Variants in SLC12A9 observed in about 807,000 individuals in gnomAD.
The protein encoded by SLC12A9 is solute carrier family 12 member 9, also known as CCC-interacting protein 1.
Under a neutral mutation model 66.0 loss-of-function variants are expected in SLC12A9, and 55 were observed. That is an observed-to-expected ratio of 0.83 (90% confidence interval 0.67 to 1.04). The LOEUF (loss-of-function observed/expected upper bound fraction) is 1.04, where lower values mean the gene tolerates loss of function less well. Ranked by LOEUF, SLC12A9 falls within the 50% of genes least tolerant of loss-of-function variation. SLC12A9 has a pLI of 0.00. For synonymous variants in SLC12A9, 577 were observed against 569.0 expected (o/e 1.01, Z -0.20); for missense variants, 1,061 against 1,241.9 (o/e 0.85, Z 2.19).
chr7:100,861,934 C>T lies in SLC12A9; in HGVS notation c.1711+23C>T. 1.3e-6 allele frequency: 2 copies of T among 1,557,054 alleles called. No individual in the cohort carries two copies. Among genetic ancestry groups the T allele is most frequent in the South Asian group, 1.2e-5 (1 of 81,920 alleles). On this transcript the variant is annotated intron_variant, in intron 12 of 13. Coordinates refer to ENST00000354161, the MANE Select transcript of SLC12A9 (RefSeq NM_020246.4). This position sits in a 1 kb window ranked among gnomAD's most constrained non-coding sequence, Gnocchi z 5.3. ...TCGGTGAGCTGCCCTCCCACTCACT[C>T]ACTCACTCCCATCCTTCTCTCCCCC...
intron 1 of SLC12A9, chr7:100,837,329 T>C (rs1252451320): frequency 2.0e-5 from 3 of 149,218 alleles, no homozygotes; most frequent in Non-Finnish European, 3.0e-5. Flanking sequence ...TTGAGAATTA[T>C]TATTTTTTCC....
chr7:100,861,762 A>ACGTC lies in SLC12A9; in HGVS notation c.1565_1568dup (p.Lys524ProfsTer33). Reference sequence around the variant, plus strand: ...GTGCGTAAGTATCTGCTTCGGCTGGACGTCCGGAAGGATCACGTGAAGTTC... The same window carrying ACGTC: ...GTGCGTAAGTATCTGCTTCGGCTGGACGTCCGTCCGGAAGGATCACGTGAAGTTC... On this transcript the variant is annotated frameshift_variant, in exon 12 of 14. Coordinates refer to ENST00000354161, the MANE Select transcript of SLC12A9 (RefSeq NM_020246.4). LOFTEE classifies it high-confidence loss of function. This position sits in a 1 kb window ranked among gnomAD's most constrained non-coding sequence, Gnocchi z 5.3. 7 of 1,614,024 alleles carry ACGTC rather than the reference A, an allele frequency of 4.3e-6. No homozygotes were observed. Among genetic ancestry groups the ACGTC allele is most frequent in the Non-Finnish European group, 5.9e-6 (7 of 1,179,978 alleles).
At chr7:100,862,977 C>A in intron 13 of SLC12A9, 150 bp downstream of exon 13, 1 of 948,090 alleles carries the variant, frequency 1.1e-6, no homozygotes, top group Non-Finnish European at 1.6e-6. Flanking sequence ...AGATAATAGC[C>A]TCAGACAGTG....
At chr7:100,839,139 C>T (rs753255104) in intron 1 of SLC12A9, among the ~76,000 whole-genome samples, 3 of 152,012 alleles carry the variant, frequency 2.0e-5, no homozygotes, top group South Asian at 2.1e-4. Context: ...CTGGCTAACA[C>T]GGTGAAACCC....
At chr7:100,827,203 G>T in intron 1 of SLC12A9, 1 of 450,526 alleles carries the variant, frequency 2.2e-6, no homozygotes, top group Admixed American at 5.0e-5. Context: ...GCCAAGTGTG[G>T]CCCCGCGTCT....
rs1400652021 is a variant in SLC12A9 at position 100,866,745 on chromosome 7, C to T, written c.*140C>T. 4.3e-6 allele frequency: 4 copies of T among 929,922 alleles called. No individual in the cohort carries two copies. Among genetic ancestry groups the T allele is most frequent in the African/African-American group, 1.7e-5 (1 of 58,070 alleles). 57.6% of individuals were successfully genotyped at this position (929,922 alleles called of 1,614,324 possible). ...AGCCCAGGGGAGGTTTGAAGGGGAT[C>T]CTGGGCTTGGGCATCACGCCCACCT... On this transcript the variant is annotated 3_prime_UTR_variant, in exon 14 of 14. Transcript: ENST00000354161. This position sits in a 1 kb window ranked among gnomAD's most constrained non-coding sequence, Gnocchi z 7.3.
chr7:100,863,456 G>A (rs1300779114), intron 13 of SLC12A9, among the ~76,000 whole-genome samples: 2 of 152,100 alleles, frequency 1.3e-5, no homozygotes, highest in Non-Finnish European at 2.9e-5. Context: ...TGAATCTCCA[G>A]CTGCCTCATC....
intron 1 of SLC12A9, among the ~76,000 whole-genome samples, chr7:100,846,187 A>C (rs555400237): frequency 6.6e-6 from 1 of 152,358 alleles, no homozygotes; most frequent in Non-Finnish European, 1.5e-5. Flanking sequence ...AGAGAATTTA[A>C]AAGTCTTATA....
chr7:100,861,740 C>T lies in SLC12A9; in HGVS notation c.1540C>T (p.Arg514Cys), dbSNP rs1468132087. 15 of 1,614,142 alleles carry T rather than the reference C, an allele frequency of 9.3e-6. No homozygotes were observed. Among genetic ancestry groups the T allele is most frequent in the Non-Finnish European group, 1.2e-5 (14 of 1,180,000 alleles). The change falls in exon 12 of 14, where the codon CGT (arginine) becomes TGT (cysteine). Residue 514 changes from arginine (R) to cysteine (C), a missense_variant. Coordinates refer to ENST00000354161, the MANE Select transcript of SLC12A9 (RefSeq NM_020246.4). The surrounding 1 kb of genome is among the most constrained non-coding windows in gnomAD (Gnocchi z 5.3). ...ACTGCCTCACCCCTATACCCAGGTG[C>T]GTAAGTATCTGCTTCGGCTGGACGT... Reference protein sequence around the residue: ...VSQALLFHQVRKYLLRLDVRK... With the variant: ...VSQALLFHQVCKYLLRLDVRK...
intron 1 of SLC12A9, among the ~76,000 whole-genome samples, chr7:100,839,256 C>T (rs942722262): frequency 6.6e-6 from 1 of 151,762 alleles, no homozygotes; most frequent in South Asian, 2.1e-4. Flanking sequence ...ACCCAGGAGG[C>T]AGAGCTGCAG....
At position 100,866,384 on chromosome 7, in the gene SLC12A9, CGGGCCCAGCAGG is replaced by C. The variant is rs1562999825; in HGVS notation, c.2527_2538del (p.Ala843_Gly846del). ...GGCACGCAGCGCCAACGCCCTGGTT[CGGGCCCAGCAGG>C]GGCGCGGCACAGGAGGAGGGCCGGG... On this transcript the variant is annotated inframe_deletion, in exon 14 of 14. Coordinates refer to ENST00000354161, the MANE Select transcript of SLC12A9 (RefSeq NM_020246.4). This position sits in a 1 kb window ranked among gnomAD's most constrained non-coding sequence, Gnocchi z 7.3. 6.5e-7 allele frequency: 1 copy of C among 1,527,632 alleles called. No individual in the cohort carries two copies. The highest frequency in any genetic ancestry group is 8.8e-7 in the Non-Finnish European group (1 of 1,134,852). 94.6% of individuals were successfully genotyped at this position (1,527,632 alleles called of 1,614,324 possible). A position where few individuals can be genotyped will look rare whatever the true frequency, so the allele number is the denominator to read the frequency against.
intron 1 of SLC12A9, among the ~76,000 whole-genome samples, chr7:100,853,876 G>A (rs904566356): frequency 6.6e-6 from 1 of 152,080 alleles, no homozygotes; most frequent in African/African-American, 2.4e-5. Flanking sequence ...CTACAGGCAT[G>A]AGCCACCATG....
Position 100,866,159 on chromosome 7 carries a change from C to T in SLC12A9, c.2299C>T (p.Arg767Trp), listed in dbSNP as rs752660200. ...GCCCGCTTGGCATAGCGCCCGGCTC[C>T]GGATCTTCCTGTGCCTGGGGCCTCG... ...MVPAWHSARL[R>W]IFLCLGPREA... Residue 767 changes from arginine (R) to tryptophan (W), a missense_variant, in exon 14 of 14, where the codon CGG becomes TGG. By Grantham distance (101) the Arg-to-Trp change is moderately radical. Coordinates refer to ENST00000354161, the MANE Select transcript of SLC12A9 (RefSeq NM_020246.4). The surrounding 1 kb of genome is among the most constrained non-coding windows in gnomAD (Gnocchi z 7.3). 5.0e-5 allele frequency: 81 copies of T among 1,612,598 alleles called. No individual in the cohort carries two copies. Among genetic ancestry groups the T allele is most frequent in the Middle Eastern group, 1.7e-4 (1 of 6,028 alleles).
At chr7:100,863,584 T>C (rs954774007) in intron 13 of SLC12A9, among the ~76,000 whole-genome samples, 6 of 152,006 alleles carry the variant, frequency 3.9e-5, no homozygotes, top group Admixed American at 3.9e-4. Flanking sequence ...TTGAAAGAGG[T>C]TGGGATGTAG....
chr7:100,826,959 C>CA lies in SLC12A9; in HGVS notation n.140_141insA, dbSNP rs767593993. 7 of 1,536,542 alleles carry CA rather than the reference C, an allele frequency of 4.6e-6. No individual in the cohort carries two copies. In the Admixed American group the frequency reaches 7.8e-5, roughly 17 times the overall value. ...GTCCCAGGAGTGACGGGGTGCGCCCCCCCCCGCAAGGAAACTCACCTTCCA... is the reference window on the plus strand; with the variant it reads ...GTCCCAGGAGTGACGGGGTGCGCCCCACCCCCGCAAGGAAACTCACCTTCCA... On this transcript the variant is annotated non_coding_transcript_exon_variant, in exon 1 of 2. Coordinates refer to the SLC12A9 transcript ENST00000461016.
chr7:100,856,043 C>G (rs111925403), intron 4 of SLC12A9: 1 of 624,610 alleles, frequency 1.6e-6, no homozygotes, highest in South Asian at 2.8e-5. Context: ...ACCATCTAAT[C>G]GGAGAGACCA....
chr7:100,865,983 C>A lies in SLC12A9; in HGVS notation c.2123C>A (p.Pro708His), dbSNP rs745593045. 2.5e-6 allele frequency: 4 copies of A among 1,612,804 alleles called. No individual in the cohort carries two copies. Reference protein sequence around the residue: ...VLARASGALPPERLSRGSGGT... With the variant: ...VLARASGALPHERLSRGSGGT... The stretch of plus-strand genomic sequence containing the variant: ...GCCCGGGCCAGCGGGGCCTTGCCCC[C>A]TGAGCGGCTGAGCCGGGGGTCTGGG... The change falls in exon 14 of 14, where the codon CCT (proline) becomes CAT (histidine). Residue 708 changes from proline to histidine, a missense_variant. Physicochemically the swap from Pro to His is moderately conservative, Grantham distance 77. Coordinates refer to ENST00000354161, the MANE Select transcript of SLC12A9 (RefSeq NM_020246.4).
intron 1 of SLC12A9, among the ~76,000 whole-genome samples, chr7:100,835,305 A>AC (rs1813627927): frequency 6.8e-6 from 1 of 147,832 alleles, no homozygotes; most frequent in Non-Finnish European, 1.5e-5. Flanking sequence ...CAGTGAGCTG[A>AC]GATGGTTCCA....
chr7:100,841,109 A>G (rs1423460997), intron 1 of SLC12A9, among the ~76,000 whole-genome samples: 1 of 152,128 alleles, frequency 6.6e-6, no homozygotes, highest in Non-Finnish European at 1.5e-5. Flanking sequence ...TGGAATTTAT[A>G]TAAAAAGAGT....
Sources: gnomAD v4.1 joint callset for allele counts (sites outside exome capture counted in the v4.1 genomes callset) on GRCh38, gnomAD v4.1.1 for gene constraint, Gnocchi (gnomAD v3.1) non-coding constraint, MANE v1.5 for transcripts, NCBI Gene and HGNC (gene_info 2026-07-23, HGNC 2026-07-21) for gene names.